The following SDK1 variants were observed in gnomAD, a reference collection of about 807,000 sequenced individuals.
SDK1 encodes the protein sidekick cell adhesion molecule 1.
A neutral mutation model predicts 245.5 loss-of-function variants in SDK1; 157 were observed. The observed-to-expected ratio is 0.64, with a 90% confidence interval of 0.56 to 0.73. The LOEUF (loss-of-function observed/expected upper bound fraction) is 0.73, where lower values mean the gene tolerates loss of function less well. Ranked by LOEUF, SDK1 falls within the 30% of genes least tolerant of loss-of-function variation. The pLI is 0.00. For missense variants in SDK1, 3,583 were observed against 3,002.3 expected (o/e 1.19, Z -4.52); for synonymous variants, 1,647 against 1,278.5 (o/e 1.29, Z -6.15).
chr7:4,256,663 C>T (rs540135756), intron 44 of SDK1, among the ~76,000 whole-genome samples: 3 of 152,330 alleles, frequency 2.0e-5, no homozygotes, highest in African/African-American at 4.8e-5. Flanking sequence ...GAGTAATGTA[C>T]GTCCTCGGCC....
intron 1 of SDK1, among the ~76,000 whole-genome samples, chr7:3,410,578 C>CTTTTTTTTTTTTTTTTTTTTTTTTTTTT (rs776277920): frequency 2.4e-5 from 2 of 82,058 alleles, no homozygotes; most frequent in Non-Finnish European, 4.4e-5. Context: ...GAAATGATAT[C>CTTTTTTTTTTTTTTTTTTTTTTTTTTTT]TTTTTTTTTT....
chr7:3,720,762 A>G (rs566055074), intron 4 of SDK1, among the ~76,000 whole-genome samples: 2 of 152,350 alleles, frequency 1.3e-5, no homozygotes, highest in South Asian at 4.1e-4. Context: ...ATCTCAGAGA[A>G]TGAAAACTAC....
In SDK1 at chr7:4,118,689, G is replaced by A. The variant is rs1460697333; in HGVS notation, c.3823+4415G>A. On this transcript the variant is annotated intron_variant, in intron 25 of 44. Transcript: ENST00000404826. ...GTGGAAACAACCAAAATATCACTCA[G>A]TTGACAAATGGATAAATAAAATGTG... 1.6e-5 allele frequency among the ~76,000 whole-genome samples: 2 copies of A among 125,246 alleles called. 1 individual carries two copies. Among genetic ancestry groups the A allele is most frequent in the Non-Finnish European group, 3.7e-5 (2 of 53,594 alleles). The allele number at this position is 125,246 out of a possible 152,430, so 82.2% of individuals were successfully genotyped here.
In SDK1 at chr7:3,301,863, T is replaced by G. The variant is rs1489211366; in HGVS notation, c.277T>G (p.Leu93Val). ...WWALLALQLH[L>V]LRALAQDDVA... ...GGCGCTGCTGGCGCTGCAGCTGCAC[T>G]TGCTCCGGGCGCTGGCGCAAGGTAG... is the stretch of plus-strand genomic sequence containing the variant. Residue 93 changes from leucine to valine, a missense_variant, in exon 1 of 45, where the codon TTG (leucine) becomes GTG (valine). Leu to Val is a conservative substitution (Grantham distance 32). Transcript: ENST00000404826. The G allele has an allele frequency of 2.6e-6, 3 of 1,134,808 alleles. No individual in the cohort carries two copies. Among genetic ancestry groups the G allele is most frequent in the Non-Finnish European group, 3.2e-6 (3 of 926,642 alleles). The allele number at this position is 1,134,808 out of a possible 1,614,324, so 70.3% of individuals were successfully genotyped here. A position where few individuals can be genotyped will look rare whatever the true frequency, so the allele number is the denominator to read the frequency against.
chr7:3,449,417 T>A, intron 1 of SDK1, among the ~76,000 whole-genome samples: 1 of 151,308 alleles, frequency 6.6e-6, no homozygotes, highest in East Asian at 1.9e-4. Context: ...GCTGCCATTA[T>A]ACAAATGATG....
intron 25 of SDK1, among the ~76,000 whole-genome samples, chr7:4,124,096 G>T (rs758137767): frequency 6.6e-6 from 1 of 152,190 alleles, no homozygotes; most frequent in South Asian, 2.1e-4. Flanking sequence ...GTCCTTTCTC[G>T]CCCCTCCCTT....
intron 4 of SDK1, among the ~76,000 whole-genome samples, chr7:3,784,470 G>C (rs1780840839): frequency 6.6e-6 from 1 of 151,776 alleles, no homozygotes. Flanking sequence ...TGGATAAGGG[G>C]TTAATATCCA....
chr7:4,065,031 A>G (rs778945375), intron 19 of SDK1, among the ~76,000 whole-genome samples: 2 of 152,202 alleles, frequency 1.3e-5, no homozygotes, highest in Non-Finnish European at 2.9e-5. Flanking sequence ...ACAATGATGT[A>G]TATTTCAAAA....
intron 35 of SDK1, among the ~76,000 whole-genome samples, chr7:4,184,020 T>C (rs653625): frequency 0.22 from 33,967 of 152,182 alleles, 3,914 homozygotes; most frequent in Middle Eastern, 0.38. Flanking sequence ...GAGAGTTTTC[T>C]GGAAGGAGAA....
At position 3,441,402 on chromosome 7, in the gene SDK1, A is replaced by C. The variant is rs140250019; in HGVS notation, c.298+139518A>C. On this transcript the variant is annotated intron_variant, in intron 1 of 44. Coordinates refer to ENST00000404826, the MANE Select transcript of SDK1 (RefSeq NM_152744.4). ...AATCTCAAAAAAACAAAAAACAAAC[A>C]AAAAAAAACCAAAATCTCTTTTTGT... Among the ~76,000 whole-genome samples the C allele has an allele frequency of 4.9e-3, 744 of 151,492 alleles. 9 individuals are homozygous for C. Among genetic ancestry groups the C allele is most frequent in the African/African-American group, 0.017 (698 of 41,288 alleles).
At chr7:4,255,348 G>C (rs1787558231) in intron 44 of SDK1, among the ~76,000 whole-genome samples, 1 of 152,214 alleles carries the variant, frequency 6.6e-6, no homozygotes, top group Non-Finnish European at 1.5e-5. Context: ...ACTCTGCGCA[G>C]GACCTCTGTG....
intron 1 of SDK1, among the ~76,000 whole-genome samples, chr7:3,381,483 A>C (rs891845257): frequency 6.6e-5 from 10 of 152,062 alleles, no homozygotes; most frequent in Non-Finnish European, 1.5e-5. Context: ...ACTACGCAGG[A>C]CAGAGAGGGG....
Position 3,877,456 on chromosome 7 carries a change from G to A in SDK1, c.847+55873G>A, listed in dbSNP as rs541773725. On this transcript the variant is annotated intron_variant, in intron 5 of 44. Transcript: ENST00000404826. ...TTCCCTCTCCACCCCACAGTTCAGT[G>A]TGCCCAGCTTGGAAACTCACATCTT... is the stretch of plus-strand genomic sequence containing the variant. Among the ~76,000 whole-genome samples, 134 of 152,302 alleles carry A rather than the reference G, an allele frequency of 8.8e-4. 1 individual carries two copies. The highest frequency in any genetic ancestry group is 1.6e-3 in the Admixed American group (24 of 15,296).
chr7:3,358,032 T>C (rs773814556), intron 1 of SDK1, among the ~76,000 whole-genome samples: 2 of 152,182 alleles, frequency 1.3e-5, no homozygotes, highest in African/African-American at 4.8e-5. Context: ...TTCTTTTTTT[T>C]TGGGGGATGG....
intron 5 of SDK1, among the ~76,000 whole-genome samples, chr7:3,850,354 G>A (rs1172887004): frequency 6.6e-6 from 1 of 152,294 alleles, no homozygotes; most frequent in Non-Finnish European, 1.5e-5. Context: ...AGTAAGGGGT[G>A]ACTTATTTTA....
intron 35 of SDK1, among the ~76,000 whole-genome samples, chr7:4,181,038 A>G (rs1381096024): frequency 9.2e-5 from 14 of 152,202 alleles, no homozygotes; most frequent in Admixed American, 6.5e-4. Flanking sequence ...CATCACCAAC[A>G]TCCATCGCTG....
At chr7:3,580,982 AAAAAAAAAAAAACCAAAAC>A (rs1040498277) in intron 1 of SDK1, among the ~76,000 whole-genome samples, 7 of 139,900 alleles carry the variant, frequency 5.0e-5, no homozygotes, top group East Asian at 2.1e-4. Flanking sequence ...AAAAAAAAAA[AAAAAAAAAAAAACCAAAAC>A]AAAACCCTGG....
At chr7:3,564,986 G>A (rs569897440) in intron 1 of SDK1, among the ~76,000 whole-genome samples, 15 of 152,144 alleles carry the variant, frequency 9.9e-5, no homozygotes, top group African/African-American at 3.6e-4. Context: ...ATATAATATA[G>A]GGGATCAGGT....
chr7:3,749,444 C>T (rs996485412), intron 4 of SDK1, among the ~76,000 whole-genome samples: 72 of 152,088 alleles, frequency 4.7e-4, no homozygotes, highest in African/African-American at 1.6e-3. Flanking sequence ...GGATTACAGG[C>T]GTGTACCACC....
Sources: allele counts gnomAD v4.1 joint callset (sites outside exome capture counted in the v4.1 genomes callset), GRCh38; gene constraint gnomAD v4.1.1; transcripts MANE v1.5; gene names NCBI Gene and HGNC (gene_info 2026-07-23, HGNC 2026-07-21).